Variants in MAD1L1 observed in about 807,000 individuals in gnomAD.
MAD1L1 encodes mitotic arrest deficient 1 like 1, also known as mitotic spindle assembly checkpoint protein MAD1.
Under a neutral mutation model 96.9 loss-of-function variants are expected in MAD1L1, and 95 were observed. The ratio of observed to expected loss-of-function variants is 0.98; its 90% CI spans 0.83 to 1.16. The LOEUF is 1.16. Among genes scored for constraint, MAD1L1 ranks in the 50% most tolerant of loss-of-function variants. The probability of loss-of-function intolerance (pLI) is 0.00; values close to 1 mark genes in which losing one functional copy is unlikely to be tolerated. For synonymous variants in MAD1L1, 473 were observed against 396.6 expected, an observed-to-expected ratio of 1.19 and a Z score of -2.29; for missense variants, 1,007 against 954.4, an observed-to-expected ratio of 1.06 and a Z score of -0.73.
intron 13 of MAD1L1, among the ~76,000 whole-genome samples, chr7:2,013,680 G>A (rs1226902890): frequency 1.3e-5 from 2 of 152,278 alleles, no homozygotes; most frequent in African/African-American, 4.8e-5. Flanking sequence ...CCACGCCCAG[G>A]CGGGGCTGCA....
chr7:2,191,080 C>A (rs542356233), intron 10 of MAD1L1, among the ~76,000 whole-genome samples: 1 of 152,196 alleles, frequency 6.6e-6, no homozygotes, highest in Non-Finnish European at 1.5e-5. Flanking sequence ...TATATCCGTT[C>A]GATATAACAA....
chr7:1,914,473 C>T, intron 17 of MAD1L1, among the ~76,000 whole-genome samples: 1 of 152,230 alleles, frequency 6.6e-6, no homozygotes. Flanking sequence ...TGTGCCAAGG[C>T]ACGTGGGTGC....
intron 11 of MAD1L1, among the ~76,000 whole-genome samples, chr7:2,126,176 C>A (rs1788220762): frequency 6.6e-6 from 1 of 152,202 alleles, no homozygotes; most frequent in Admixed American, 6.5e-5. Context: ...CCTGCAAAGA[C>A]CGGGCAGGAT....
At chr7:2,016,537 C>T (rs1042904585) in intron 12 of MAD1L1, among the ~76,000 whole-genome samples, 3 of 152,224 alleles carry the variant, frequency 2.0e-5, no homozygotes, top group African/African-American at 7.2e-5. Context: ...ACCCAGTGCT[C>T]CCCAGCACTG....
intron 12 of MAD1L1, among the ~76,000 whole-genome samples, chr7:2,018,487 C>T (rs936613947): frequency 3.9e-5 from 6 of 152,190 alleles, no homozygotes; most frequent in African/African-American, 1.4e-4. Flanking sequence ...GCGTCCCGCA[C>T]GATGGGGACA....
At chr7:1,836,453 A>C (rs1441310044) in intron 18 of MAD1L1, among the ~76,000 whole-genome samples, 2 of 152,174 alleles carry the variant, frequency 1.3e-5, no homozygotes, top group Non-Finnish European at 2.9e-5. Context: ...TCTTGTGACT[A>C]CGAACGCCTA....
intron 11 of MAD1L1, among the ~76,000 whole-genome samples, chr7:2,081,017 G>A (rs1255615619): frequency 2.0e-5 from 3 of 152,170 alleles, no homozygotes; most frequent in Non-Finnish European, 4.4e-5. Flanking sequence ...CCTCTCCCTG[G>A]TTCCCCGTTC....
intron 18 of MAD1L1, chr7:1,838,489 T>C: frequency 3.2e-6 from 1 of 316,208 alleles, no homozygotes. Context: ...CTAGACCGTA[T>C]GATTCATCAG....
chr7:1,874,519 C>A, intron 18 of MAD1L1: 1 of 455,448 alleles, frequency 2.2e-6, no homozygotes, highest in Non-Finnish European at 4.4e-6. Context: ...TAGCTTTCCG[C>A]ACAGCTTGTG....
At chr7:1,822,995 C>T (rs540810606) in intron 18 of MAD1L1, among the ~76,000 whole-genome samples, 8 of 152,142 alleles carry the variant, frequency 5.3e-5, no homozygotes, top group Admixed American at 1.3e-4. Context: ...AATATTATGC[C>T]GTGACCAAGT....
At chr7:1,851,386 C>A (rs1783969685) in intron 18 of MAD1L1, among the ~76,000 whole-genome samples, 1 of 152,290 alleles carries the variant, frequency 6.6e-6, no homozygotes, top group African/African-American at 2.4e-5. Context: ...TCACGGGAAA[C>A]CCCGACAGGG....
intron 18 of MAD1L1, among the ~76,000 whole-genome samples, chr7:1,862,930 C>T (rs1476197420): frequency 6.6e-6 from 1 of 152,242 alleles, no homozygotes; most frequent in Non-Finnish European, 1.5e-5. Context: ...ATGTCAGGGT[C>T]CCATGGGCAC....
intron 11 of MAD1L1, among the ~76,000 whole-genome samples, chr7:2,135,216 G>A (rs1788694967): frequency 6.6e-6 from 1 of 152,180 alleles, no homozygotes; most frequent in Non-Finnish European, 1.5e-5. Context: ...AGGCCACTAG[G>A]CCCTCCTTCT....
intron 18 of MAD1L1, among the ~76,000 whole-genome samples, chr7:1,879,281 C>A (rs1310469419): frequency 6.6e-6 from 1 of 151,982 alleles, no homozygotes; most frequent in Non-Finnish European, 1.5e-5. Flanking sequence ...CATGGTAAAA[C>A]CCCATCTCTA....
rs1160231467 is a variant in MAD1L1, at chr7:1,887,068, T to A, written c.1998+11132A>T. 2.6e-5 allele frequency among the ~76,000 whole-genome samples: 4 copies of A among 152,268 alleles called. No homozygotes were observed. The East Asian group carries it at 7.7e-4, about 29-fold the overall frequency. On this transcript the variant is annotated intron_variant, in intron 18 of 18. Transcript: ENST00000265854. Reference sequence around the variant, plus strand: ...ATGGCGCTTTGCATACCATGGGCCTTCACAGCCCTTGAAACACTCACTCAG... The same window carrying A: ...ATGGCGCTTTGCATACCATGGGCCTACACAGCCCTTGAAACACTCACTCAG...
At chr7:1,992,184 G>A (rs1215712880) in intron 14 of MAD1L1, among the ~76,000 whole-genome samples, 2 of 152,002 alleles carry the variant, frequency 1.3e-5, no homozygotes, top group African/African-American at 4.8e-5. Flanking sequence ...CATGAGCACC[G>A]CTGGGTGCCT....
At chr7:2,056,278 A>T (rs949628511) in intron 12 of MAD1L1, among the ~76,000 whole-genome samples, 1 of 152,232 alleles carries the variant, frequency 6.6e-6, no homozygotes, top group African/African-American at 2.4e-5. Context: ...AGAAAGAGCA[A>T]GAGAAATCGT....
chr7:1,917,723 C>T (rs967901596), intron 17 of MAD1L1, among the ~76,000 whole-genome samples: 5 of 152,322 alleles, frequency 3.3e-5, no homozygotes, highest in Admixed American at 6.5e-5. Flanking sequence ...CCTCAGCAGT[C>T]CCTGTGGCTG....
intron 15 of MAD1L1, among the ~76,000 whole-genome samples, chr7:1,962,208 A>C (rs757195059): frequency 7.2e-5 from 11 of 152,252 alleles, no homozygotes; most frequent in Non-Finnish European, 1.2e-4. Context: ...GTCGTGAATA[A>C]GTCTCACAAG....
Sources: allele counts gnomAD v4.1 joint callset (sites outside exome capture counted in the v4.1 genomes callset), GRCh38; gene constraint gnomAD v4.1.1; transcripts MANE v1.5; gene names NCBI Gene and HGNC (gene_info 2026-07-23, HGNC 2026-07-21).